Variants in GALNT13 observed in about 807,000 individuals in gnomAD.
The protein encoded by GALNT13 is polypeptide N-acetylgalactosaminyltransferase 13.
A neutral mutation model predicts 64.2 loss-of-function variants in GALNT13; 28 were observed. That is an observed-to-expected ratio of 0.44 (90% CI 0.32 to 0.60). The LOEUF is 0.60. Ranked by LOEUF, GALNT13 falls within the 20% of genes least tolerant of loss-of-function variation. The probability of loss-of-function intolerance (pLI) is 0.05; values close to 1 mark genes in which losing one functional copy is unlikely to be tolerated. For synonymous variants in GALNT13, 214 were observed against 224.6 expected (o/e 0.95, Z 0.42); for missense variants, 577 against 669.8 (o/e 0.86, Z 1.53).
chr2:153,488,332 C>G, the GALNT13 span, among the ~76,000 whole-genome samples: 1 of 152,214 alleles, frequency 6.6e-6, no homozygotes, highest in Non-Finnish European at 1.5e-5. Flanking sequence ...CACATTCGCA[C>G]ACACTGAGCA....
the GALNT13 span, among the ~76,000 whole-genome samples, chr2:153,411,179 A>ATAT: frequency 1.3e-3 from 165 of 128,292 alleles, 1 homozygote; most frequent in East Asian, 6.5e-3. Flanking sequence ...ATATATATAT[A>ATAT]TTTTTTTTTT....
the GALNT13 span, among the ~76,000 whole-genome samples, chr2:153,559,168 T>C: frequency 6.6e-6 from 1 of 152,302 alleles, no homozygotes; most frequent in South Asian, 2.1e-4. Context: ...TTATAATAGC[T>C]AACAAAATTA....
chr2:153,707,505 C>T, the GALNT13 span, among the ~76,000 whole-genome samples: 379 of 152,274 alleles, frequency 2.5e-3, 1 homozygote, highest in Non-Finnish European at 3.9e-3. Flanking sequence ...TGGATACAAG[C>T]ATGTGACCTA....
chr2:154,062,691 C>G (rs1391470320), intron 3 of GALNT13, among the ~76,000 whole-genome samples: 4 of 152,186 alleles, frequency 2.6e-5, no homozygotes, highest in African/African-American at 9.6e-5. Flanking sequence ...TAATCACCTC[C>G]CACCAGGTCT....
At chr2:154,092,299 T>G (rs991205442) in intron 3 of GALNT13, among the ~76,000 whole-genome samples, 1 of 152,122 alleles carries the variant, frequency 6.6e-6, no homozygotes, top group East Asian at 1.9e-4. Context: ...GCTAATGTTG[T>G]TTTAAAATAA....
In GALNT13 at chr2:154,245,886, C is replaced by G. The variant is rs1306067914; in HGVS notation, c.761C>G (p.Thr254Ser). 1 of 1,612,412 alleles carries G rather than the reference C, an allele frequency of 6.2e-7. No homozygotes were observed. ...TFEYMAGSDM[T>S]YGGFNWKLNF... is the part of the protein sequence containing the mutation. The stretch of plus-strand genomic sequence containing the variant: ...GAATATATGGCTGGGTCAGACATGA[C>G]TTATGGGGGTTTTAACTGGAAACTG... Residue 254 changes from threonine to serine, a missense_variant, in exon 7 of 13, where the codon ACT becomes AGT. Physicochemically the swap from Thr to Ser is moderately conservative, Grantham distance 58. Around this residue, in one of 3 missense-constraint regions of GALNT13, gnomAD observed 341 missense variants for 379.3 expected, o/e 0.90. Coordinates refer to ENST00000392825, the MANE Select transcript of GALNT13 (RefSeq NM_052917.4).
intron 2 of GALNT13, among the ~76,000 whole-genome samples, chr2:153,909,120 C>G (rs1382751806): frequency 6.6e-6 from 1 of 152,006 alleles, no homozygotes; most frequent in Non-Finnish European, 1.5e-5. Context: ...TCTTTCACCT[C>G]CCTGGTTAAC....
Position 154,452,648 on chromosome 2 carries a change from A to T in GALNT13, c.*2097A>T, listed in dbSNP as rs913718627. 1 of 152,212 alleles carries T rather than the reference A, an allele frequency of 6.6e-6. No homozygotes were observed. The highest frequency in any genetic ancestry group is 6.5e-5 in the Admixed American group (1 of 15,268). 9.4% of individuals were successfully genotyped at this position (152,212 alleles called of 1,614,324 possible). On this transcript the variant is annotated 3_prime_UTR_variant, in exon 13 of 13. Transcript: ENST00000392825. ...AAATATGTGAAAGTTCATTGTGGTCATGGTGAGAAAACTAAAACTACATGA... is the reference window on the plus strand; with the variant it reads ...AAATATGTGAAAGTTCATTGTGGTCTTGGTGAGAAAACTAAAACTACATGA...
chr2:153,830,108 C>T, the GALNT13 span, among the ~76,000 whole-genome samples: 1 of 151,970 alleles, frequency 6.6e-6, no homozygotes, highest in Non-Finnish European at 1.5e-5. Context: ...TATGTATTAC[C>T]TAGACTCATA....
chr2:154,401,606 T>C (rs933939550), intron 10 of GALNT13, among the ~76,000 whole-genome samples: 5 of 152,130 alleles, frequency 3.3e-5, no homozygotes, highest in Non-Finnish European at 5.9e-5. Context: ...ATTGTATTTT[T>C]TTAACTTCAT....
intron 3 of GALNT13, among the ~76,000 whole-genome samples, chr2:153,957,788 A>G (rs1574203642): frequency 6.6e-6 from 1 of 152,184 alleles, no homozygotes; most frequent in East Asian, 1.9e-4. Flanking sequence ...TTGCCCTGAG[A>G]TAGTTCTCTA....
At chr2:153,860,903 G>C in the GALNT13 span, among the ~76,000 whole-genome samples, 1 of 152,180 alleles carries the variant, frequency 6.6e-6, no homozygotes. Flanking sequence ...CTAGGAGCAG[G>C]AGAAGGAGCT....
the GALNT13 span, among the ~76,000 whole-genome samples, chr2:153,579,226 A>G: frequency 6.6e-6 from 1 of 152,156 alleles, no homozygotes; most frequent in Non-Finnish European, 1.5e-5. Flanking sequence ...TAACCAGGAC[A>G]TCAAAGGGTT....
the GALNT13 span, among the ~76,000 whole-genome samples, chr2:153,678,407 G>A: frequency 6.6e-6 from 1 of 151,930 alleles, no homozygotes; most frequent in Non-Finnish European, 1.5e-5. Flanking sequence ...GGCCATTATT[G>A]TAAGTGAATT....
chr2:154,402,609 T>C (rs1699348197), intron 10 of GALNT13, among the ~76,000 whole-genome samples: 1 of 152,238 alleles, frequency 6.6e-6, no homozygotes, highest in African/African-American at 2.4e-5. Flanking sequence ...TACCAGATCT[T>C]AGAGCTACCA....
At chr2:154,321,087 C>T (rs1400066288) in intron 9 of GALNT13, among the ~76,000 whole-genome samples, 1 of 151,692 alleles carries the variant, frequency 6.6e-6, no homozygotes, top group African/African-American at 2.4e-5. Flanking sequence ...GCTGAGTTGC[C>T]CAGGAAAATG....
chr2:153,183,609 C>T, the GALNT13 span, among the ~76,000 whole-genome samples: 2 of 152,112 alleles, frequency 1.3e-5, no homozygotes, highest in Non-Finnish European at 2.9e-5. Flanking sequence ...TTGGGTTTTA[C>T]ATTTAAGTCT....
intron 11 of GALNT13, among the ~76,000 whole-genome samples, chr2:154,413,287 AAGTCCGATT>A (rs1190367128): frequency 6.6e-6 from 1 of 151,926 alleles, no homozygotes; most frequent in Non-Finnish European, 1.5e-5. Context: ...CATACTTCTG[AAGTCCGATT>A]AGTCACCAAA....
At chr2:153,185,046 T>G in the GALNT13 span, among the ~76,000 whole-genome samples, 3 of 152,152 alleles carry the variant, frequency 2.0e-5, no homozygotes, top group East Asian at 1.9e-4. Flanking sequence ...GTACCAGATC[T>G]TCTTTGTATC....
Sources: gnomAD v4.1 joint callset for allele counts (sites outside exome capture counted in the v4.1 genomes callset) on GRCh38, gnomAD v4.1.1 for gene constraint, gnomAD v4.1.1 regional missense constraint, MANE v1.5 for transcripts, NCBI Gene and HGNC (gene_info 2026-07-23, HGNC 2026-07-21) for gene names.